Variants in CEP85L observed in about 807,000 individuals in gnomAD.
CEP85L encodes the protein centrosomal protein of 85 kDa-like.
CEP85L carries 60 observed loss-of-function variants against 100.3 expected under a neutral mutation model. The ratio of observed to expected loss-of-function variants is 0.60; its 90% CI spans 0.49 to 0.74. The LOEUF (loss-of-function observed/expected upper bound fraction) is 0.74, where lower values mean the gene tolerates loss of function less well. CEP85L is among the 30% of genes least tolerant of loss of function. The pLI, the probability that CEP85L is intolerant of heterozygous loss-of-function variation, is 0.00. For synonymous variants in CEP85L, 319 were observed against 322.7 expected, an observed-to-expected ratio of 0.99 and a Z score of 0.12; for missense variants, 973 against 936.2, an observed-to-expected ratio of 1.04 and a Z score of -0.51.
chr6:118,527,177 T>C (rs962670375), intron 3 of CEP85L, among the ~76,000 whole-genome samples: 7 of 152,152 alleles, frequency 4.6e-5, no homozygotes, highest in African/African-American at 1.4e-4. Context: ...GCTAATTTTG[T>C]ATTTTTAGTA....
intron 3 of CEP85L, among the ~76,000 whole-genome samples, chr6:118,556,885 C>T (rs1399855745): frequency 6.6e-6 from 1 of 152,070 alleles, no homozygotes; most frequent in Non-Finnish European, 1.5e-5. Context: ...AATTTTCAGT[C>T]TATATATAAT....
intron 2 of CEP85L, among the ~76,000 whole-genome samples, chr6:118,600,302 TGTG>T (rs1781691511): frequency 1.2e-4 from 2 of 16,964 alleles, no homozygotes; most frequent in African/African-American, 3.7e-4. Flanking sequence ...TTCCTGGGGG[TGTG>T]TGTGTGTGTG....
chr6:118,588,072 A>G (rs62422190), intron 2 of CEP85L, among the ~76,000 whole-genome samples: 20,285 of 152,226 alleles, frequency 0.13, 1,737 homozygotes, highest in Non-Finnish European at 0.18. Flanking sequence ...TTCTACCAAG[A>G]TGACAGCATC....
intron 1 of CEP85L, among the ~76,000 whole-genome samples, chr6:118,649,196 A>G (rs1775389933): frequency 6.6e-6 from 1 of 152,134 alleles, no homozygotes; most frequent in Non-Finnish European, 1.5e-5. Context: ...GAAACACAAT[A>G]AATAATTACA....
At chr6:118,671,079 T>C (rs1338506701) in intron 1 of CEP85L, among the ~76,000 whole-genome samples, 1 of 152,154 alleles carries the variant, frequency 6.6e-6, no homozygotes, top group Non-Finnish European at 1.5e-5. Context: ...GGCAAACTTT[T>C]GGAGAAATTG....
At chr6:118,470,151 T>A (rs1385747430) in intron 11 of CEP85L, among the ~76,000 whole-genome samples, 2 of 152,006 alleles carry the variant, frequency 1.3e-5, no homozygotes, top group Non-Finnish European at 2.9e-5. Context: ...AACCAACAAC[T>A]CTGAATTGCT....
chr6:118,687,482 C>T (rs1226160964), intron 1 of CEP85L, among the ~76,000 whole-genome samples: 2 of 152,140 alleles, frequency 1.3e-5, no homozygotes, highest in African/African-American at 4.8e-5. Flanking sequence ...TGCAACTTAG[C>T]TCACACATAA....
chr6:118,613,403 TACTTTATA>T (rs1314466253), intron 2 of CEP85L, among the ~76,000 whole-genome samples: 1 of 152,170 alleles, frequency 6.6e-6, no homozygotes, highest in Non-Finnish European at 1.5e-5. Context: ...TAATTTGAAT[TACTTTATA>T]ACTATTAAGG....
upstream of CEP85L, chr6:118,652,888 T>TAG: frequency 1.7e-6 from 1 of 605,186 alleles, no homozygotes; most frequent in South Asian, 2.1e-5. Context: ...ACTAGCTCGT[T>TAG]TTATCTAACA....
At chr6:118,627,630 C>T (rs1342794997) in intron 2 of CEP85L, among the ~76,000 whole-genome samples, 2 of 152,144 alleles carry the variant, frequency 1.3e-5, no homozygotes, top group Non-Finnish European at 2.9e-5. Context: ...AAAACGACCC[C>T]GTCATAGGGA....
chr6:118,500,883 A>G (rs1385798433), intron 5 of CEP85L, among the ~76,000 whole-genome samples: 2 of 152,202 alleles, frequency 1.3e-5, no homozygotes, highest in Admixed American at 1.3e-4. Context: ...AGCTTGTGAG[A>G]GGCTTCTCAG....
At chr6:118,559,239 T>C (rs934669589) in intron 3 of CEP85L, 14 of 709,956 alleles carry the variant, frequency 2.0e-5, no homozygotes, top group Non-Finnish European at 3.1e-5. Context: ...ATTGTTACCA[T>C]ATGTATTCAT....
At chr6:118,683,482 C>T (rs1776733338) in intron 1 of CEP85L, among the ~76,000 whole-genome samples, 1 of 152,152 alleles carries the variant, frequency 6.6e-6, no homozygotes, top group Admixed American at 6.5e-5. Flanking sequence ...GTAACATTCC[C>T]TATGGCAAAC....
upstream of CEP85L, among the ~76,000 whole-genome samples, chr6:118,653,749 A>ATGTGTGTGTGTG (rs61103713): frequency 6.7e-6 from 1 of 148,164 alleles, no homozygotes; most frequent in African/African-American, 2.5e-5. Flanking sequence ...GACTCTGTGT[A>ATGTGTGTGTGTG]TGTGTGTGTG....
intron 1 of CEP85L, among the ~76,000 whole-genome samples, chr6:118,649,451 G>A (rs1466952354): frequency 1.3e-5 from 2 of 152,118 alleles, no homozygotes; most frequent in African/African-American, 4.8e-5. Context: ...ATACTAAAAT[G>A]TTCTCTTCTT....
intron 2 of CEP85L, among the ~76,000 whole-genome samples, chr6:118,594,863 AAAAC>A (rs1403940973): frequency 3.4e-5 from 5 of 145,326 alleles, no homozygotes; most frequent in Non-Finnish European, 4.5e-5. Context: ...CAAAAAAAAA[AAAAC>A]AAACAAAACA....
chr6:118,535,742 G>A (rs947274974), intron 3 of CEP85L, among the ~76,000 whole-genome samples: 5 of 152,074 alleles, frequency 3.3e-5, no homozygotes, highest in African/African-American at 1.2e-4. Flanking sequence ...TTGTGTTCCA[G>A]TAATCCTTAT....
At chr6:118,584,888 A>G (rs1780770275) in intron 2 of CEP85L, among the ~76,000 whole-genome samples, 1 of 152,250 alleles carries the variant, frequency 6.6e-6, no homozygotes. Context: ...AAGGGTTCCA[A>G]CATCCAATTA....
chr6:118,577,397 A>C (rs1382237538), intron 2 of CEP85L, among the ~76,000 whole-genome samples: 1 of 152,200 alleles, frequency 6.6e-6, no homozygotes, highest in Non-Finnish European at 1.5e-5. Flanking sequence ...GTGAAAAAAG[A>C]AGTACCCCCC....
Sources: allele counts gnomAD v4.1 joint callset (sites outside exome capture counted in the v4.1 genomes callset), GRCh38; gene constraint gnomAD v4.1.1; transcripts MANE v1.5; gene names NCBI Gene and HGNC (gene_info 2026-07-23, HGNC 2026-07-21).